The following TDRD15 variants were observed in gnomAD, a reference collection of about 807,000 sequenced individuals.
The protein encoded by TDRD15 is tudor domain-containing protein 15.
For synonymous variants in TDRD15, 503 were observed against 314.5 expected, an observed-to-expected ratio of 1.60 and a Z score of -6.34; for missense variants, 1,416 against 904.7, an observed-to-expected ratio of 1.57 and a Z score of -7.25.
chr2:21,142,575 T>G lies in TDRD15; in HGVS notation c.5108T>G (p.Leu1703Arg), dbSNP rs376629837. The stretch of plus-strand genomic sequence containing the variant: ...CCTGTTGAAGAAAACAAACTTAGAC[T>G]TGCAGAAATTGTTTACAACATTGAA... ...TVPVEENKLR[L>R]AEIVYNIESK... The change falls in exon 4 of 4, where the codon CTT becomes CGT. Residue 1703 changes from leucine to arginine, a missense_variant. Coordinates refer to ENST00000405799, the MANE Select transcript of TDRD15 (RefSeq NM_001306137.2). The G allele has an allele frequency of 1.8e-5, 13 of 710,156 alleles. No individual in the cohort carries two copies. The highest frequency in any genetic ancestry group is 1.6e-5 in the Non-Finnish European group (6 of 382,596). 44.0% of individuals were successfully genotyped at this position (710,156 alleles called of 1,614,324 possible). A position where few individuals can be genotyped will look rare whatever the true frequency, so the allele number is the denominator to read the frequency against.
chr2:21,143,017 A>G lies in TDRD15; in HGVS notation c.5550A>G (p.Leu1850=). 1 of 698,348 alleles carries G rather than the reference A, an allele frequency of 1.4e-6. No homozygotes were observed. Among genetic ancestry groups the G allele is most frequent in the Admixed American group, 2.2e-5 (1 of 45,390 alleles). 43.3% of individuals were successfully genotyped at this position (698,348 alleles called of 1,614,324 possible). ...NLPRLSYPCI[L]YGILPAKGKH... ...CAAGGCTGAGTTATCCATGTATTTTATATGGTATCTTACCTGCTAAAGGAA... is the reference window on the plus strand; with the variant it reads ...CAAGGCTGAGTTATCCATGTATTTTGTATGGTATCTTACCTGCTAAAGGAA... The change falls in exon 4 of 4, where the codon TTA becomes TTG. Residue 1850 remains leucine (L), a synonymous_variant. Transcript: ENST00000405799.
In TDRD15 at chr2:21,139,192, A is replaced by AT; in HGVS notation, c.1731dup (p.Asp578Ter). 1.4e-6 allele frequency: 1 copy of AT among 714,916 alleles called. No homozygotes were observed. Among genetic ancestry groups the AT allele is most frequent in the East Asian group, 2.7e-5 (1 of 37,234 alleles). 44.3% of individuals were successfully genotyped at this position (714,916 alleles called of 1,614,324 possible). A position where few individuals can be genotyped will look rare whatever the true frequency, so the allele number is the denominator to read the frequency against. On this transcript the variant is annotated frameshift_variant, in exon 4 of 4. Coordinates refer to ENST00000405799, the MANE Select transcript of TDRD15 (RefSeq NM_001306137.2). LOFTEE classifies it low-confidence loss of function (END_TRUNC). ...ATTATGGTAATACTGATTCCATACCATTTTTTGATGTAAAAATTTTGCTTC... is the reference window on the plus strand; with the variant it reads ...ATTATGGTAATACTGATTCCATACCATTTTTTTGATGTAAAAATTTTGCTTC...
At chr2:21,124,319 A>G (rs1348145804) in intron 1 of TDRD15, among the ~76,000 whole-genome samples, 3 of 152,186 alleles carry the variant, frequency 2.0e-5, no homozygotes, top group African/African-American at 4.8e-5. Context: ...CATGGGGTCA[A>G]TGATGGCTGA....
rs1413989738 is a variant in TDRD15 at position 21,143,231 on chromosome 2, G to C, written c.5764G>C (p.Asp1922His). 1.2e-5 allele frequency: 8 copies of C among 653,682 alleles called. No homozygotes were observed. Among genetic ancestry groups the C allele is most frequent in the Middle Eastern group, 2.5e-4 (1 of 4,034 alleles). 40.5% of individuals were successfully genotyped at this position (653,682 alleles called of 1,614,324 possible). ...ATYSKDSPHL[D>H]AITATESAKN... Reference sequence around the variant, plus strand: ...TTATTCTAAAGATTCACCTCATCTTGATGCAATTACTGCTACTGAATCTGC... The same window carrying C: ...TTATTCTAAAGATTCACCTCATCTTCATGCAATTACTGCTACTGAATCTGC... Residue 1922 changes from aspartate to histidine, a missense_variant, in exon 4 of 4, where the codon GAT (aspartate) becomes CAT (histidine). Physicochemically the swap from Asp to His is moderately conservative, Grantham distance 81. Transcript: ENST00000405799.
chr2:21,126,752 A>G (rs1665606474), intron 1 of TDRD15, among the ~76,000 whole-genome samples: 2 of 152,180 alleles, frequency 1.3e-5, no homozygotes, highest in South Asian at 4.1e-4. Flanking sequence ...TTTGGCTCTT[A>G]CAAGTAAACT....
chr2:21,125,235 A>G (rs747721898), intron 1 of TDRD15, among the ~76,000 whole-genome samples: 5 of 149,956 alleles, frequency 3.3e-5, no homozygotes, highest in Non-Finnish European at 7.4e-5. Flanking sequence ...AGAGATCCCA[A>G]TGCCAGGTTG....
At chr2:21,136,674 G>C (rs1348357098) in intron 3 of TDRD15, among the ~76,000 whole-genome samples, 1 of 151,968 alleles carries the variant, frequency 6.6e-6, no homozygotes, top group Non-Finnish European at 1.5e-5. Context: ...GCCTGAAATT[G>C]GGGATTATTT....
At position 21,141,558 on chromosome 2, in the gene TDRD15, T is replaced by C. The variant is rs763952204; in HGVS notation, c.4091T>C (p.Ile1364Thr). ...GACAATGCCATTTACAGGGCAGTTA[T>C]TAAGAAAATTTTGCCAGGAAATTCT... is the stretch of plus-strand genomic sequence containing the variant. ...SGDNAIYRAV[I>T]KKILPGNSFE... is the part of the protein sequence containing the mutation. Residue 1364 changes from isoleucine (I) to threonine (T), a missense_variant, in exon 4 of 4, where the codon ATT (isoleucine) becomes ACT (threonine). Physicochemically the swap from Ile to Thr is moderately conservative, Grantham distance 89. Coordinates refer to ENST00000405799, the MANE Select transcript of TDRD15 (RefSeq NM_001306137.2). 1.3e-5 allele frequency: 9 copies of C among 714,502 alleles called. No homozygotes were observed. In the East Asian group the frequency reaches 2.4e-4, roughly 19 times the overall value. The allele number at this position is 714,502 out of a possible 1,614,324, so 44.3% of individuals were successfully genotyped here.
chr2:21,125,866 C>T (rs897159119), intron 1 of TDRD15, among the ~76,000 whole-genome samples: 5 of 152,124 alleles, frequency 3.3e-5, no homozygotes, highest in African/African-American at 1.2e-4. Flanking sequence ...ACTCTGACCT[C>T]CTCCCAAATT....
At chr2:21,133,241 G>A (rs1665752836) in intron 2 of TDRD15, among the ~76,000 whole-genome samples, 1 of 152,158 alleles carries the variant, frequency 6.6e-6, no homozygotes, top group Admixed American at 6.5e-5. Flanking sequence ...GCTTCAACTT[G>A]CAGTCTTTTG....
chr2:21,126,642 A>C (rs1424308719), intron 1 of TDRD15, among the ~76,000 whole-genome samples: 1 of 152,228 alleles, frequency 6.6e-6, no homozygotes, highest in East Asian at 1.9e-4. Context: ...CTGGGGTTAC[A>C]GCATTCCTTT....
chr2:21,137,112 T>G (rs1665822283), intron 3 of TDRD15, among the ~76,000 whole-genome samples: 1 of 152,038 alleles, frequency 6.6e-6, no homozygotes, highest in Non-Finnish European at 1.5e-5. Flanking sequence ...CCAGTGAGGC[T>G]AATTTAGCTC....
rs1665995074 is a variant in TDRD15 at position 21,144,194 on chromosome 2, A to G, written c.*922A>G. 6.6e-6 allele frequency among the ~76,000 whole-genome samples: 1 copy of G among 151,828 alleles called. No individual in the cohort carries two copies. Among genetic ancestry groups the G allele is most frequent in the Admixed American group, 6.6e-5 (1 of 15,190 alleles). On this transcript the variant is annotated 3_prime_UTR_variant, in exon 4 of 4. Transcript: ENST00000405799. ...TAAGTCTTTTAAATGTCAAACTGAT[A>G]CTAAAATATTGTTAAAATTTTAATA...
At chr2:21,144,876 G>T (rs931643471), downstream of TDRD15, among the ~76,000 whole-genome samples, 1 of 151,926 alleles carries the variant, frequency 6.6e-6, no homozygotes, top group Non-Finnish European at 1.5e-5. Flanking sequence ...AATGAAATAA[G>T]GAATTATTTA....
rs1165821338 is a variant in TDRD15, at chr2:21,142,150, G to C, written c.4683G>C (p.Thr1561=). ...TATCAGATTTAATAGTATTAATTACGAAAGAAGAAAAAAAATCCCCTTTTT... is the reference window on the plus strand; with the variant it reads ...TATCAGATTTAATAGTATTAATTACCAAAGAAGAAAAAAAATCCCCTTTTT... The part of the protein sequence containing the change: ...KILSDLIVLI[T]KEEKKSPFLS... Residue 1561 remains threonine (T), a synonymous_variant, in exon 4 of 4, where the codon ACG becomes ACC. Transcript: ENST00000405799. The C allele has an allele frequency of 1.5e-6, 1 of 669,524 alleles. No individual in the cohort carries two copies. Among genetic ancestry groups the C allele is most frequent in the African/African-American group, 1.8e-5 (1 of 54,240 alleles). The allele number at this position is 669,524 out of a possible 1,614,324, so 41.5% of individuals were successfully genotyped here. A position where few individuals can be genotyped will look rare whatever the true frequency, so the allele number is the denominator to read the frequency against.
chr2:21,137,348 T>C, intron 3 of TDRD15, 117 bp from the exon 4 acceptor site: 1 of 475,710 alleles, frequency 2.1e-6, no homozygotes, highest in Non-Finnish European at 3.8e-6. Context: ...ATCAACATGT[T>C]TAAATTTGAT....
Position 21,141,260 on chromosome 2 carries a change from A to G in TDRD15, c.3793A>G (p.Arg1265Gly). The change falls in exon 4 of 4, where the codon AGA (arginine) becomes GGA (glycine). Residue 1265 changes from arginine (R) to glycine (G), a missense_variant. Transcript: ENST00000405799. ...AAAGGTTGTATCACAGTCTTTTATC[A>G]GAGCATTAAATCAAACAACCTCACA... ...SVKVVSQSFI[R>G]ALNQTTSQNP... The G allele has an allele frequency of 1.4e-6, 1 of 712,298 alleles. No individual in the cohort carries two copies. 44.1% of individuals were successfully genotyped at this position (712,298 alleles called of 1,614,324 possible).
intron 2 of TDRD15, among the ~76,000 whole-genome samples, chr2:21,129,247 A>G (rs1429469846): frequency 7.9e-5 from 12 of 152,164 alleles, no homozygotes; most frequent in Admixed American, 2.0e-4. Context: ...TCTTTGGTCT[A>G]TATCTAGTAA....
chr2:21,139,844 T>C lies in TDRD15; in HGVS notation c.2377T>C (p.Tyr793His). The change falls in exon 4 of 4, where the codon TAT becomes CAT. Residue 793 changes from tyrosine (Y) to histidine (H), a missense_variant. By Grantham distance (83) the Tyr-to-His change is moderately conservative. Transcript: ENST00000405799. ...ACTAATGGAGCAAATTCAGAATTAC[T>C]ATAGTATTCATTCTGATCCTTATGA... is the stretch of plus-strand genomic sequence containing the variant. The part of the protein sequence containing the change: ...KLLMEQIQNY[Y>H]SIHSDPYEIG... The C allele has an allele frequency of 4.2e-6, 3 of 715,698 alleles. No homozygotes were observed. The allele number at this position is 715,698 out of a possible 1,614,324, so 44.3% of individuals were successfully genotyped here.
Sources: gnomAD v4.1 joint callset for allele counts (sites outside exome capture counted in the v4.1 genomes callset) on GRCh38, gnomAD v4.1.1 for gene constraint, MANE v1.5 for transcripts, NCBI Gene and HGNC (gene_info 2026-07-23, HGNC 2026-07-21) for gene names.